Variants in LYZ observed in about 807,000 individuals in gnomAD.
LYZ encodes lysozyme C.
LYZ carries 18 observed loss-of-function variants against 15.8 expected under a neutral mutation model. The observed-to-expected ratio is 1.14, with a 90% CI of 0.79 to 1.69. The LOEUF is 1.69. Ranked by LOEUF, LYZ falls within the 40% of genes most tolerant of loss-of-function variation. The pLI, the probability that LYZ is intolerant of heterozygous loss-of-function variation, is 0.00. For synonymous variants in LYZ, 60 were observed against 61.7 expected (o/e 0.97, Z 0.13); for missense variants, 139 against 182.8 (o/e 0.76, Z 1.38).
In LYZ at chr12:69,354,110, G is replaced by A. The variant is rs1874912403; in HGVS notation, c.*891G>A. 1 of 152,152 alleles carries A rather than the reference G, an allele frequency of 6.6e-6. No individual in the cohort carries two copies. Among genetic ancestry groups the A allele is most frequent in the Admixed American group, 6.5e-5 (1 of 15,274 alleles). The allele number at this position is 152,152 out of a possible 1,614,324, so 9.4% of individuals were successfully genotyped here. A position where few individuals can be genotyped will look rare whatever the true frequency, so the allele number is the denominator to read the frequency against. On this transcript the variant is annotated 3_prime_UTR_variant, in exon 4 of 4. Coordinates refer to ENST00000261267, the MANE Select transcript of LYZ (RefSeq NM_000239.3). ...CCTTAATTTGATTAATTTAATTCATGTATTATGATTAAATCTGAGGCAGAT... is the reference window on the plus strand; with the variant it reads ...CCTTAATTTGATTAATTTAATTCATATATTATGATTAAATCTGAGGCAGAT...
intron 1 of LYZ, among the ~76,000 whole-genome samples, chr12:69,349,374 A>G (rs1228878707): frequency 6.6e-6 from 1 of 152,230 alleles, no homozygotes; most frequent in African/African-American, 2.4e-5. Context: ...GTAGGAACCT[A>G]GTTCCCTTCA....
At chr12:69,348,669 A>G (rs1874777873) in intron 1 of LYZ, 125 bp downstream of exon 1, 2 of 1,188,488 alleles carry the variant, frequency 1.7e-6, no homozygotes, top group South Asian at 1.3e-5. Context: ...TTGTATACTT[A>G]CAATGGCTAA....
intron 2 of LYZ, chr12:69,350,561 T>C (rs1172192049): frequency 2.8e-6 from 1 of 360,192 alleles, no homozygotes; most frequent in Admixed American, 4.4e-5. Flanking sequence ...CCTGCTTACT[T>C]TGGGGAGGTT....
chr12:69,351,262 T>A (rs958064945), intron 2 of LYZ, among the ~76,000 whole-genome samples: 12 of 152,048 alleles, frequency 7.9e-5, no homozygotes, highest in African/African-American at 2.9e-4. Flanking sequence ...CCATGTGGAA[T>A]CCTCAGTGTC....
chr12:69,354,159 T>C lies in LYZ; in HGVS notation c.*940T>C, dbSNP rs1874913710. 1 of 152,242 alleles carries C rather than the reference T, an allele frequency of 6.6e-6. No homozygotes were observed. Among genetic ancestry groups the C allele is most frequent in the African/African-American group, 2.4e-5 (1 of 41,468 alleles). 9.4% of individuals were successfully genotyped at this position (152,242 alleles called of 1,614,324 possible). A position where few individuals can be genotyped will look rare whatever the true frequency, so the allele number is the denominator to read the frequency against. On this transcript the variant is annotated 3_prime_UTR_variant, in exon 4 of 4. Transcript: ENST00000261267. Reference sequence around the variant, plus strand: ...ATGAGCTTACAAGTATTGAAATAATTACTAATTAATCACAAATGTGAAGTT... The same window carrying C: ...ATGAGCTTACAAGTATTGAAATAATCACTAATTAATCACAAATGTGAAGTT...
intron 1 of LYZ, among the ~76,000 whole-genome samples, chr12:69,349,050 G>T (rs1874785697): frequency 6.6e-6 from 1 of 152,074 alleles, no homozygotes; most frequent in Non-Finnish European, 1.5e-5. Context: ...GGCCCAGGCT[G>T]GAGTGCAGTG....
In LYZ at chr12:69,350,288, A is replaced by G. The variant is rs755360267; in HGVS notation, c.301+16A>G. On this transcript the variant is annotated intron_variant, in intron 2 of 3. Coordinates refer to ENST00000261267, the MANE Select transcript of LYZ (RefSeq NM_000239.3). ...TCCTGCAGTGGTAAGACAAGCTAAT[A>G]TTTGACCAATCTGGTTATACTTACA... is the stretch of plus-strand genomic sequence containing the variant. 3.1e-6 allele frequency: 5 copies of G among 1,613,750 alleles called. No homozygotes were observed. The South Asian group carries it at 4.4e-5, about 14-fold the overall frequency.
At chr12:69,352,799 C>T (rs1196964744) in intron 3 of LYZ, among the ~76,000 whole-genome samples, 1 of 152,148 alleles carries the variant, frequency 6.6e-6, no homozygotes, top group Non-Finnish European at 1.5e-5. Context: ...TGCTTGAACC[C>T]GGGAGGTGGA....
chr12:69,350,761 T>G lies in LYZ; in HGVS notation c.301+489T>G, dbSNP rs1308256457. 7.1e-5 allele frequency among the ~76,000 whole-genome samples: 10 copies of G among 139,958 alleles called. No homozygotes were observed. The East Asian group carries it at 2.1e-3, about 29-fold the overall frequency. 91.8% of individuals were successfully genotyped at this position (139,958 alleles called of 152,430 possible). On this transcript the variant is annotated intron_variant, in intron 2 of 3. Transcript: ENST00000261267. ...CCTTTTTTTTTTTTTTTTTTTTTTTTTTTTTTTTGCTGAGAGTTTTTTGTT... is the reference window on the plus strand; with the variant it reads ...CCTTTTTTTTTTTTTTTTTTTTTTTGTTTTTTTTGCTGAGAGTTTTTTGTT...
chr12:69,348,554 C>T lies in LYZ; in HGVS notation c.136+10C>T. The T allele has an allele frequency of 6.2e-7, 1 of 1,614,130 alleles. No individual in the cohort carries two copies. Among genetic ancestry groups the T allele is most frequent in the South Asian group, 1.1e-5 (1 of 91,082 alleles). On this transcript the variant is annotated intron_variant, in intron 1 of 3. Transcript: ENST00000261267. Reference sequence around the variant, plus strand: ...ATCAGCCTAGCAAACTGTAAGTCTACTCTCCATAATTCCAGAGAATTAGCT... The same window carrying T: ...ATCAGCCTAGCAAACTGTAAGTCTATTCTCCATAATTCCAGAGAATTAGCT...
At chr12:69,352,128 C>CTT in intron 2 of LYZ, 92 bp from the exon 3 acceptor site, 2 of 804,678 alleles carry the variant, frequency 2.5e-6, no homozygotes, top group Non-Finnish European at 4.2e-6. Context: ...TCTTACCATT[C>CTT]TTTCCACAGC....
intron 1 of LYZ, among the ~76,000 whole-genome samples, chr12:69,349,116 T>C (rs1170489995): frequency 6.6e-6 from 1 of 152,180 alleles, no homozygotes; most frequent in South Asian, 2.1e-4. Context: ...ATTCTCGTGC[T>C]TCAGCCTTCT....
chr12:69,350,737 C>CTTT lies in LYZ; in HGVS notation c.301+495_301+497dup, dbSNP rs60163961. On this transcript the variant is annotated intron_variant, in intron 2 of 3. Coordinates refer to ENST00000261267, the MANE Select transcript of LYZ (RefSeq NM_000239.3). Reference sequence around the variant, plus strand: ...TTTGCCATAGTTGCTTCTTCTATGCCTTTTTTTTTTTTTTTTTTTTTTTTT... The same window carrying CTTT: ...TTTGCCATAGTTGCTTCTTCTATGCCTTTTTTTTTTTTTTTTTTTTTTTTTTTT... Among the ~76,000 whole-genome samples the CTTT allele has an allele frequency of 2.6e-3, 68 of 25,998 alleles. 2 individuals are homozygous for CTTT. The highest frequency in any genetic ancestry group is 5.8e-3 in the African/African-American group (57 of 9,876). The allele number at this position is 25,998 out of a possible 152,430, so 17.1% of individuals were successfully genotyped here.
chr12:69,350,324 C>T (rs686407), intron 2 of LYZ, 52 bp downstream of exon 2: 371,462 of 1,587,686 alleles, frequency 0.23, 55,040 homozygotes, highest in African/African-American at 0.72. Context: ...AGAATTGAGA[C>T]TCAATACAAA....
rs1012803449 is a variant in LYZ at position 69,349,885 on chromosome 12, G to A, written c.137-223G>A. ...AAACATGTATTTTAATATTTTAAAA[G>A]TATGTTATATTGTTCGTTGGTGTTA... On this transcript the variant is annotated intron_variant, in intron 1 of 3. Transcript: ENST00000261267. 5.3e-5 allele frequency among the ~76,000 whole-genome samples: 8 copies of A among 152,268 alleles called. No individual in the cohort carries two copies. In the South Asian group the frequency reaches 1.4e-3, roughly 28 times the overall value.
At chr12:69,348,656 G>C in intron 1 of LYZ, 112 bp downstream of exon 1, 1 of 1,324,294 alleles carries the variant, frequency 7.6e-7, no homozygotes, top group Non-Finnish European at 1.1e-6. Context: ...TTTCTTTGTG[G>C]GTTTGTATAC....
Position 69,350,205 on chromosome 12 carries a change from T to C in LYZ, c.234T>C (p.Asn78=). The change falls in exon 2 of 4, where the codon AAT becomes AAC. Residue 78 remains asparagine (N), a synonymous_variant. Coordinates refer to ENST00000261267, the MANE Select transcript of LYZ (RefSeq NM_000239.3). ...CTGATTATGGGATATTTCAGATCAA[T>C]AGCCGCTACTGGTGTAATGATGGCA... is the stretch of plus-strand genomic sequence containing the variant. ...RSTDYGIFQI[N]SRYWCNDGKT... is the part of the protein sequence containing the mutation. 1.2e-6 allele frequency: 2 copies of C among 1,614,166 alleles called. No individual in the cohort carries two copies. The highest frequency in any genetic ancestry group is 1.3e-5 in the African/African-American group (1 of 75,052).
At position 69,353,434 on chromosome 12, in the gene LYZ, C is replaced by T. The variant is rs1021930355; in HGVS notation, c.*215C>T. ...AACATTTTTCAGTTTGCAAATAGAA[C>T]TAATACTGGTGAAAATTTACCTAAA... On this transcript the variant is annotated 3_prime_UTR_variant, in exon 4 of 4. Transcript: ENST00000261267. 42 of 587,844 alleles carry T rather than the reference C, an allele frequency of 7.1e-5. No homozygotes were observed. Among genetic ancestry groups the T allele is most frequent in the Non-Finnish European group, 1.2e-4 (39 of 329,742 alleles). The allele number at this position is 587,844 out of a possible 1,614,324, so 36.4% of individuals were successfully genotyped here.
chr12:69,348,421 A>G lies in LYZ; in HGVS notation c.13A>G (p.Ile5Val), dbSNP rs1402821157. MKAL[I>V]VLGLVLLSVT... ...CCTAGCAGTCAACATGAAGGCTCTCATTGTTCTGGGGCTTGTCCTCCTTTC... is the reference window on the plus strand; with the variant it reads ...CCTAGCAGTCAACATGAAGGCTCTCGTTGTTCTGGGGCTTGTCCTCCTTTC... The change falls in exon 1 of 4, where the codon ATT becomes GTT. Residue 5 changes from isoleucine (I) to valine (V), a missense_variant. By Grantham distance (29) the Ile-to-Val change is conservative. Coordinates refer to ENST00000261267, the MANE Select transcript of LYZ (RefSeq NM_000239.3). 1.9e-6 allele frequency: 3 copies of G among 1,611,748 alleles called. No individual in the cohort carries two copies. Among genetic ancestry groups the G allele is most frequent in the Non-Finnish European group, 2.5e-6 (3 of 1,177,838 alleles).
Sources: gnomAD v4.1 joint callset for allele counts (sites outside exome capture counted in the v4.1 genomes callset) on GRCh38, gnomAD v4.1.1 for gene constraint, MANE v1.5 for transcripts, NCBI Gene and HGNC (gene_info 2026-07-23, HGNC 2026-07-21) for gene names.